SAMD12: variants seen among roughly 807,000 people sequenced by gnomAD.
The protein encoded by SAMD12 is sterile alpha motif domain containing 12, also known as sterile alpha motif domain-containing protein 12.
Under a neutral mutation model 15.0 loss-of-function variants are expected in SAMD12, and 9 were observed. That is an observed-to-expected ratio of 0.60 (90% CI 0.36 to 1.05). SAMD12 has a LOEUF of 1.05. Ranked by LOEUF, SAMD12 falls within the 50% of genes least tolerant of loss-of-function variation. The pLI is 0.01. For missense variants in SAMD12, 230 were observed against 234.2 expected (o/e 0.98, Z 0.12); for synonymous variants, 86 against 90.1 (o/e 0.96, Z 0.25).
chr8:118,171,652 G>A, the SAMD12 span, among the ~76,000 whole-genome samples: 7 of 151,780 alleles, frequency 4.6e-5, no homozygotes, highest in Admixed American at 1.3e-4. Context: ...AAGACAGAAA[G>A]CAGGTCAGTG....
chr8:118,515,073 C>T (rs570585128), intron 2 of SAMD12, among the ~76,000 whole-genome samples: 1 of 151,944 alleles, frequency 6.6e-6, no homozygotes, highest in East Asian at 1.9e-4. Flanking sequence ...GGCTGCAGTG[C>T]GGTGGCGTGA....
chr8:118,133,891 A>C, the SAMD12 span, among the ~76,000 whole-genome samples: 3 of 152,184 alleles, frequency 2.0e-5, no homozygotes, highest in South Asian at 2.1e-4. Context: ...CTCCTCTCCA[A>C]ATTAATGTAA....
Position 118,450,124 on chromosome 8 carries a change from T to G in SAMD12, c.193-10163A>C, listed in dbSNP as rs1823035344. On this transcript the variant is annotated intron_variant, in intron 2 of 3. Transcript: ENST00000314727. ...TATAAAAGCACACTATCCAGATGTG[T>G]AAATGCCACTGCTCACAAGCTCTGA... Among the ~76,000 whole-genome samples, 5 of 152,166 alleles carry G rather than the reference T, an allele frequency of 3.3e-5. No homozygotes were observed. The South Asian group carries it at 8.3e-4, about 25-fold the overall frequency.
chr8:118,473,120 C>T (rs1401007755), intron 2 of SAMD12, among the ~76,000 whole-genome samples: 1 of 152,126 alleles, frequency 6.6e-6, no homozygotes, highest in East Asian at 1.9e-4. Context: ...CGCTCCCTGC[C>T]TGCTTCAAAG....
intron 1 of SAMD12, among the ~76,000 whole-genome samples, chr8:118,591,066 G>T (rs955931463): frequency 4.6e-5 from 7 of 152,130 alleles, no homozygotes; most frequent in Admixed American, 3.9e-4. Context: ...AGGGTAGAGG[G>T]CACTTGGAGA....
chr8:118,212,246 T>A (rs575772783), intron 4 of SAMD12, among the ~76,000 whole-genome samples: 13 of 152,092 alleles, frequency 8.5e-5, no homozygotes, highest in Non-Finnish European at 1.9e-4. Flanking sequence ...GTGATCTTCC[T>A]GCCTCAGCCT....
intron 3 of SAMD12, among the ~76,000 whole-genome samples, chr8:118,433,632 T>C (rs1351089859): frequency 6.6e-6 from 1 of 152,168 alleles, no homozygotes; most frequent in Non-Finnish European, 1.5e-5. Flanking sequence ...GAAAAATCAA[T>C]GGCTCTACTG....
chr8:118,155,634 G>A, the SAMD12 span, among the ~76,000 whole-genome samples: 1 of 152,220 alleles, frequency 6.6e-6, no homozygotes, highest in African/African-American at 2.4e-5. Flanking sequence ...CCTTGGACAA[G>A]AGCCTCAGTG....
At chr8:118,360,962 CCA>C (rs1818470213) in intron 4 of SAMD12, among the ~76,000 whole-genome samples, 1 of 152,130 alleles carries the variant, frequency 6.6e-6, no homozygotes, top group Admixed American at 6.5e-5. Flanking sequence ...TAAAGCTCTT[CCA>C]CGAGTGTCTA....
At chr8:118,276,810 T>A (rs956443792) in intron 4 of SAMD12, among the ~76,000 whole-genome samples, 1 of 152,108 alleles carries the variant, frequency 6.6e-6, no homozygotes, top group African/African-American at 2.4e-5. Flanking sequence ...TTAACTGGGA[T>A]TACAGGTATG....
intron 2 of SAMD12, 47 bp from the exon 3 acceptor site, chr8:118,440,008 G>A: frequency 1.3e-6 from 2 of 1,599,914 alleles, no homozygotes; most frequent in Non-Finnish European, 1.7e-6. Context: ...CCATGCCTAG[G>A]AAGACACTAT....
chr8:118,511,999 T>C (rs1825102749), intron 2 of SAMD12, among the ~76,000 whole-genome samples: 1 of 152,194 alleles, frequency 6.6e-6, no homozygotes, highest in Non-Finnish European at 1.5e-5. Flanking sequence ...AATCAATCAG[T>C]AGTTAGACTT....
chr8:118,152,412 CTTCCT>C, the SAMD12 span, among the ~76,000 whole-genome samples: 1 of 150,374 alleles, frequency 6.7e-6, no homozygotes, highest in African/African-American at 2.5e-5. Flanking sequence ...CTTTCCTTTC[CTTCCT>C]TTCCTTTCCT....
chr8:118,483,943 G>A (rs1459740698), intron 2 of SAMD12, among the ~76,000 whole-genome samples: 1 of 152,210 alleles, frequency 6.6e-6, no homozygotes, highest in East Asian at 1.9e-4. Context: ...TCTATGTTAA[G>A]TAATGTTCTC....
chr8:118,520,417 G>A (rs965373349), intron 2 of SAMD12, among the ~76,000 whole-genome samples: 1 of 152,064 alleles, frequency 6.6e-6, no homozygotes, highest in Admixed American at 6.5e-5. Flanking sequence ...TCTGTCAGGG[G>A]AAAAATCACT....
At chr8:118,191,360 T>G (rs904117403) in exon 5 of SAMD12, 12 of 152,034 alleles carry the variant, frequency 7.9e-5, no homozygotes, top group African/African-American at 2.9e-4. Flanking sequence ...CCTACGAGCA[T>G]GAGTTTAAGC....
At chr8:118,153,718 G>T in the SAMD12 span, among the ~76,000 whole-genome samples, 2 of 152,072 alleles carry the variant, frequency 1.3e-5, no homozygotes, top group African/African-American at 4.8e-5. Flanking sequence ...CTACACCATG[G>T]GTTGAGGATT....
At chr8:118,338,799 T>C (rs1817206110) in intron 4 of SAMD12, among the ~76,000 whole-genome samples, 5 of 152,168 alleles carry the variant, frequency 3.3e-5, no homozygotes, top group Admixed American at 3.3e-4. Flanking sequence ...AAGGCATCCC[T>C]ACCTAACAAT....
chr8:118,332,941 T>C (rs1382915623), intron 4 of SAMD12, among the ~76,000 whole-genome samples: 2 of 152,210 alleles, frequency 1.3e-5, no homozygotes, highest in Non-Finnish European at 2.9e-5. Context: ...AGTGACCTCA[T>C]ATTTATCTCA....
Sources: allele counts gnomAD v4.1 joint callset (sites outside exome capture counted in the v4.1 genomes callset), GRCh38; gene constraint gnomAD v4.1.1; transcripts MANE v1.5; gene names NCBI Gene and HGNC (gene_info 2026-07-23, HGNC 2026-07-21).